The following SPAG16 variants were observed in gnomAD, a reference collection of about 807,000 sequenced individuals.
SPAG16 encodes sperm-associated antigen 16 protein.
In SPAG16, 86 loss-of-function variants were observed where a neutral mutation model predicts 80.4. The ratio of observed to expected loss-of-function variants is 1.07; its 90% confidence interval spans 0.90 to 1.28. SPAG16 has a LOEUF of 1.28. SPAG16 is among the 50% of genes most tolerant of loss of function. The probability of loss-of-function intolerance (pLI) is 0.00; values close to 1 mark genes in which losing one functional copy is unlikely to be tolerated. For synonymous variants in SPAG16, 294 were observed against 265.9 expected, an observed-to-expected ratio of 1.11 and a Z score of -1.03; for missense variants, 870 against 765.3, an observed-to-expected ratio of 1.14 and a Z score of -1.61.
chr2:213,419,174 G>A (rs1466000735), intron 9 of SPAG16, among the ~76,000 whole-genome samples: 1 of 152,022 alleles, frequency 6.6e-6, no homozygotes, highest in Non-Finnish European at 1.5e-5. Flanking sequence ...GCTATTTTCT[G>A]TGTGGATATG....
At chr2:214,203,293 G>A (rs2058059691) in intron 15 of SPAG16, among the ~76,000 whole-genome samples, 1 of 152,108 alleles carries the variant, frequency 6.6e-6, no homozygotes. Flanking sequence ...CATTTAAGTT[G>A]AAGGGGGGAA....
chr2:214,124,556 T>C (rs767330144), intron 14 of SPAG16, among the ~76,000 whole-genome samples: 5 of 151,910 alleles, frequency 3.3e-5, no homozygotes. Context: ...ACATTGTTTT[T>C]GAAGCACATA....
chr2:213,929,850 A>G (rs917354141), intron 11 of SPAG16, 110 bp from the exon 12 acceptor site: 1 of 923,930 alleles, frequency 1.1e-6, no homozygotes, highest in African/African-American at 1.7e-5. Flanking sequence ...CACTACAAGT[A>G]AAAATAAATC....
At chr2:213,412,123 TC>T (rs2069005989) in intron 9 of SPAG16, among the ~76,000 whole-genome samples, 1 of 152,078 alleles carries the variant, frequency 6.6e-6, no homozygotes, top group Non-Finnish European at 1.5e-5. Flanking sequence ...CCTAACTCAT[TC>T]CGATCACCTG....
At chr2:214,041,978 GTATATATATATATATA>G (rs1158447338) in intron 13 of SPAG16, among the ~76,000 whole-genome samples, 6 of 116,362 alleles carry the variant, frequency 5.2e-5, no homozygotes, top group African/African-American at 1.3e-4. Flanking sequence ...GTCTGTGTGT[GTATATATATATATATA>G]TATATATATA....
chr2:213,355,118 G>T lies in SPAG16; in HGVS notation c.762+4473G>T, dbSNP rs374922625. On this transcript the variant is annotated intron_variant, in intron 7 of 15. Coordinates refer to ENST00000331683, the MANE Select transcript of SPAG16 (RefSeq NM_024532.5). ...TTTCCCAGCACCATTTATCAAATAG[G>T]GAATCCTTTCCCCATTTCTTGTTTT... Among the ~76,000 whole-genome samples the T allele has an allele frequency of 4.6e-5, 7 of 152,256 alleles. No homozygotes were observed. In the South Asian group the frequency reaches 1.0e-3, roughly 23 times the overall value.
intron 13 of SPAG16, among the ~76,000 whole-genome samples, chr2:214,058,257 C>T (rs1357402503): frequency 6.6e-6 from 1 of 152,122 alleles, no homozygotes; most frequent in African/African-American, 2.4e-5. Context: ...ATGTGTGACT[C>T]TTCCTTTTAA....
At chr2:214,026,023 G>C (rs1227107925) in intron 13 of SPAG16, among the ~76,000 whole-genome samples, 1 of 151,386 alleles carries the variant, frequency 6.6e-6, no homozygotes, top group Non-Finnish European at 1.5e-5. Flanking sequence ...TGTGGTAAGA[G>C]GCAGGGCTGA....
chr2:213,658,806 A>G (rs2063315220), intron 10 of SPAG16, among the ~76,000 whole-genome samples: 2 of 152,200 alleles, frequency 1.3e-5, no homozygotes, highest in African/African-American at 2.4e-5. Context: ...TAGGAGGCCA[A>G]GGTGGGCGGA....
At chr2:213,498,082 T>C (rs981729228) in intron 10 of SPAG16, among the ~76,000 whole-genome samples, 4 of 152,166 alleles carry the variant, frequency 2.6e-5, no homozygotes, top group Admixed American at 6.5e-5. Flanking sequence ...AAAATTTATT[T>C]AGTATTTCAA....
At chr2:214,106,363 A>G (rs1275135964) in intron 13 of SPAG16, among the ~76,000 whole-genome samples, 1 of 152,190 alleles carries the variant, frequency 6.6e-6, no homozygotes, top group Non-Finnish European at 1.5e-5. Context: ...TAATTGGTTT[A>G]AAGTTATAAC....
intron 10 of SPAG16, among the ~76,000 whole-genome samples, chr2:213,546,379 T>C (rs2076612500): frequency 6.6e-6 from 1 of 152,144 alleles, no homozygotes; most frequent in Admixed American, 6.5e-5. Context: ...CTTTACCTTG[T>C]TGTGTTTAAA....
At chr2:213,927,113 G>A (rs2078514520) in intron 11 of SPAG16, among the ~76,000 whole-genome samples, 1 of 152,194 alleles carries the variant, frequency 6.6e-6, no homozygotes, top group Non-Finnish European at 1.5e-5. Context: ...AATGCAGGGA[G>A]CGAGTTAACT....
intron 10 of SPAG16, among the ~76,000 whole-genome samples, chr2:213,675,190 G>A (rs2063999072): frequency 6.6e-6 from 1 of 152,186 alleles, no homozygotes; most frequent in Non-Finnish European, 1.5e-5. Context: ...CTTCTTTTGA[G>A]AAGTGTCTGT....
chr2:213,559,955 T>A (rs1431426679), intron 10 of SPAG16, among the ~76,000 whole-genome samples: 1 of 152,110 alleles, frequency 6.6e-6, no homozygotes, highest in Non-Finnish European at 1.5e-5. Context: ...AGGCCATTAA[T>A]TTTGCATACA....
chr2:214,102,957 G>T (rs571578088), intron 13 of SPAG16, among the ~76,000 whole-genome samples: 1 of 152,262 alleles, frequency 6.6e-6, no homozygotes, highest in South Asian at 2.1e-4. Flanking sequence ...TCATGGGCTT[G>T]CCTCTTTCCC....
chr2:213,757,700 C>T (rs1241583067), intron 10 of SPAG16, among the ~76,000 whole-genome samples: 1 of 152,108 alleles, frequency 6.6e-6, no homozygotes, highest in African/African-American at 2.4e-5. Context: ...CTACCCATTT[C>T]CCACAGTCAC....
chr2:213,952,235 T>G (rs2079825376), intron 12 of SPAG16, among the ~76,000 whole-genome samples: 1 of 151,912 alleles, frequency 6.6e-6, no homozygotes, highest in South Asian at 2.1e-4. Flanking sequence ...GAAATAGTGA[T>G]ATGGAGAACA....
intron 10 of SPAG16, among the ~76,000 whole-genome samples, chr2:213,663,612 T>A (rs2063501045): frequency 1.3e-5 from 2 of 152,096 alleles, no homozygotes; most frequent in African/African-American, 4.8e-5. Context: ...TTTGATGCAA[T>A]AGTTACATTC....
Sources: allele counts gnomAD v4.1 joint callset (sites outside exome capture counted in the v4.1 genomes callset), GRCh38; gene constraint gnomAD v4.1.1; transcripts MANE v1.5; gene names NCBI Gene and HGNC (gene_info 2026-07-23, HGNC 2026-07-21).